The following COL23A1 variants were observed in gnomAD, a reference collection of about 807,000 sequenced individuals.
COL23A1 encodes collagen alpha-1(XXIII) chain.
In COL23A1, 97 loss-of-function variants were observed where a neutral mutation model predicts 99.3. The observed-to-expected ratio is 0.98, with a 90% CI of 0.83 to 1.16. The LOEUF (loss-of-function observed/expected upper bound fraction) is 1.16. COL23A1 is among the 50% of genes most tolerant of loss of function. The pLI, the probability that COL23A1 is intolerant of heterozygous loss-of-function variation, is 0.00. For synonymous variants in COL23A1, 320 were observed against 308.2 expected (o/e 1.04, Z -0.40); for missense variants, 762 against 757.4 (o/e 1.01, Z -0.07).
At chr5:178,582,016 A>T (rs1763684025) in intron 1 of COL23A1, among the ~76,000 whole-genome samples, 1 of 152,076 alleles carries the variant, frequency 6.6e-6, no homozygotes, top group Admixed American at 6.6e-5. Flanking sequence ...CTAAATCAAG[A>T]CATAGCTTGG....
At position 178,468,046 on chromosome 5, in the gene COL23A1, C is replaced by A. The variant is rs1037023862; in HGVS notation, c.361+92636G>T. ...ACAGGCGTATTTAATATCCCACCCA[C>A]GCATCACCTAACAGCCTCTGGGGCG... is the stretch of plus-strand genomic sequence containing the variant. On this transcript the variant is annotated intron_variant, in intron 2 of 28. Coordinates refer to ENST00000390654, the MANE Select transcript of COL23A1 (RefSeq NM_173465.4). This position sits in a 1 kb window ranked among gnomAD's most constrained non-coding sequence, Gnocchi z 4.2. Among the ~76,000 whole-genome samples the A allele has an allele frequency of 3.9e-5, 6 of 152,182 alleles. No homozygotes were observed. The highest frequency in any genetic ancestry group is 1.4e-4 in the African/African-American group (6 of 41,440).
intron 2 of COL23A1, among the ~76,000 whole-genome samples, chr5:178,379,758 G>A (rs1029771422): frequency 2.6e-5 from 4 of 152,006 alleles, no homozygotes; most frequent in Admixed American, 6.6e-5. Context: ...GTGCATGCCT[G>A]TAATCCCAGC....
At chr5:178,389,279 C>G (rs1231265510) in intron 2 of COL23A1, among the ~76,000 whole-genome samples, 1 of 152,218 alleles carries the variant, frequency 6.6e-6, no homozygotes, top group Non-Finnish European at 1.5e-5. Flanking sequence ...TCAACACAGC[C>G]TCCTGGCCAC....
At chr5:178,554,534 T>G (rs986010160) in intron 2 of COL23A1, among the ~76,000 whole-genome samples, 4 of 152,180 alleles carry the variant, frequency 2.6e-5, no homozygotes, top group East Asian at 3.9e-4. Context: ...GCAAACCACC[T>G]GGCGGTGACT....
At position 178,490,441 on chromosome 5, in the gene COL23A1, G is replaced by A. The variant is rs71611437; in HGVS notation, c.361+70241C>T. 1.8e-3 allele frequency among the ~76,000 whole-genome samples: 269 copies of A among 152,246 alleles called. 1 individual carries two copies. The highest frequency in any genetic ancestry group is 3.4e-3 in the Middle Eastern group (1 of 294). ...TAGAATAGAGGTTACCGGTGCTGAA[G>A]GGAGGACGCGTGGGAAGTTGCGTTT... On this transcript the variant is annotated intron_variant, in intron 2 of 28. Transcript: ENST00000390654.
intron 2 of COL23A1, among the ~76,000 whole-genome samples, chr5:178,508,450 T>C (rs910879354): frequency 2.0e-5 from 3 of 152,212 alleles, no homozygotes; most frequent in Admixed American, 1.3e-4. Context: ...TTGAGTATTA[T>C]AAAATATTCA....
At chr5:178,454,519 G>A (rs1487161447) in intron 2 of COL23A1, among the ~76,000 whole-genome samples, 2 of 152,202 alleles carry the variant, frequency 1.3e-5, no homozygotes, top group East Asian at 3.8e-4. Flanking sequence ...GGAAAAGCCT[G>A]CAGTCTCCTG....
intron 2 of COL23A1, among the ~76,000 whole-genome samples, chr5:178,379,314 G>A (rs947853587): frequency 2.0e-5 from 3 of 152,102 alleles, no homozygotes; most frequent in Admixed American, 6.6e-5. Context: ...TAGATGCTAG[G>A]ACTGGAAAAG....
chr5:178,357,491 C>T (rs934994144), intron 2 of COL23A1, among the ~76,000 whole-genome samples: 3 of 152,338 alleles, frequency 2.0e-5, no homozygotes, highest in African/African-American at 7.2e-5. Flanking sequence ...GAGGTTTTAA[C>T]CGTCCGCTGG....
At chr5:178,253,191 T>C (rs1460088847) in intron 16 of COL23A1, among the ~76,000 whole-genome samples, 1 of 152,088 alleles carries the variant, frequency 6.6e-6, no homozygotes, top group Admixed American at 6.5e-5. Flanking sequence ...GCTGGCCCCC[T>C]GCTCAGCCTC....
intron 2 of COL23A1, among the ~76,000 whole-genome samples, chr5:178,408,152 G>A (rs1046029213): frequency 1.6e-4 from 24 of 152,268 alleles, no homozygotes; most frequent in Middle Eastern, 3.4e-3. Context: ...CAGAAACCAC[G>A]GAGGCCAGAA....
chr5:178,561,559 AAAG>A lies in COL23A1; in HGVS notation c.295-814_295-812del, dbSNP rs1762561883. Among the ~76,000 whole-genome samples, 3 of 152,328 alleles carry A rather than the reference AAAG, an allele frequency of 2.0e-5. No individual in the cohort carries two copies. In the South Asian group the frequency reaches 6.2e-4, roughly 32 times the overall value. ...AGATGAGGAACGCAAGCTTGGAAAAAAAGAAATTTGTCCCACATCCCAAATCTA... is the reference window on the plus strand; with the variant it reads ...AGATGAGGAACGCAAGCTTGGAAAAAAAATTTGTCCCACATCCCAAATCTA... On this transcript the variant is annotated intron_variant, in intron 1 of 28. Transcript: ENST00000390654.
intron 6 of COL23A1, among the ~76,000 whole-genome samples, chr5:178,269,443 CCACCCA>C: frequency 8.5e-6 from 1 of 118,290 alleles, no homozygotes; most frequent in Non-Finnish European, 1.7e-5. Flanking sequence ...ACCCACCCAT[CCACCCA>C]TCCACCCATC....
chr5:178,329,265 A>G (rs1759869419), intron 2 of COL23A1, among the ~76,000 whole-genome samples: 1 of 152,246 alleles, frequency 6.6e-6, no homozygotes, highest in South Asian at 2.1e-4. Flanking sequence ...CCAACATGGA[A>G]ATCCGCTTTG....
intron 2 of COL23A1, among the ~76,000 whole-genome samples, chr5:178,409,396 T>C (rs994499501): frequency 6.6e-6 from 1 of 152,230 alleles, no homozygotes; most frequent in Non-Finnish European, 1.5e-5. Flanking sequence ...GATTGGTGAT[T>C]GCCAGAGGTT....
chr5:178,363,264 T>C (rs1245941052), intron 2 of COL23A1, among the ~76,000 whole-genome samples: 1 of 152,048 alleles, frequency 6.6e-6, no homozygotes, highest in Non-Finnish European at 1.5e-5. Flanking sequence ...GCCTCTCCTA[T>C]AGGACCTATC....
At chr5:178,500,418 T>A (rs2127983807) in intron 2 of COL23A1, among the ~76,000 whole-genome samples, 1 of 90,074 alleles carries the variant, frequency 1.1e-5, no homozygotes, top group Non-Finnish European at 1.9e-5. Context: ...CAAGACCCCA[T>A]CTCTACAAAA....
chr5:178,561,006 A>G (rs568112861), intron 1 of COL23A1, among the ~76,000 whole-genome samples: 11 of 152,218 alleles, frequency 7.2e-5, no homozygotes, highest in Admixed American at 4.6e-4. Context: ...CAGCATTTTC[A>G]AATAGAATAC....
intron 2 of COL23A1, among the ~76,000 whole-genome samples, chr5:178,392,364 C>T (rs1764015208): frequency 6.6e-6 from 1 of 152,176 alleles, no homozygotes; most frequent in South Asian, 2.1e-4. Context: ...ATCTTTCAAA[C>T]AATGCACCTA....
Sources: allele counts gnomAD v4.1 joint callset (sites outside exome capture counted in the v4.1 genomes callset), GRCh38; gene constraint gnomAD v4.1.1; non-coding constraint Gnocchi (gnomAD v3.1); transcripts MANE v1.5; gene names NCBI Gene and HGNC (gene_info 2026-07-23, HGNC 2026-07-21).